Variants in PRKCA observed in about 807,000 individuals in gnomAD.
PRKCA encodes protein kinase C alpha type.
PRKCA carries 27 observed loss-of-function variants against 87.0 expected under a neutral mutation model. The ratio of observed to expected loss-of-function variants is 0.31; its 90% CI spans 0.23 to 0.43. The LOEUF is 0.43. Among genes scored for constraint, PRKCA ranks in the 20% least tolerant of loss-of-function variants. The probability of loss-of-function intolerance (pLI) is 1.00; values close to 1 mark genes in which losing one functional copy is unlikely to be tolerated. For missense variants in PRKCA, 518 were observed against 852.3 expected, an observed-to-expected ratio of 0.61 and a Z score of 4.88; for synonymous variants, 329 against 311.1, an observed-to-expected ratio of 1.06 and a Z score of -0.61.
In PRKCA at chr17:66,623,275, T is replaced by A. The variant is rs185869722; in HGVS notation, c.289-18080T>A. On this transcript the variant is annotated intron_variant, in intron 3 of 16. Transcript: ENST00000413366. Reference sequence around the variant, plus strand: ...TCCTTAATTACTGACCTCAGCCAGATTTTTTTTTGCCTGAACTTGATGTAG... The same window carrying A: ...TCCTTAATTACTGACCTCAGCCAGAATTTTTTTTGCCTGAACTTGATGTAG... Among the ~76,000 whole-genome samples the A allele has an allele frequency of 2.2e-4, 34 of 151,764 alleles. 1 individual carries two copies. In the East Asian group the frequency reaches 5.6e-3, roughly 25 times the overall value.
chr17:66,451,126 C>T (rs1308010310), intron 2 of PRKCA, among the ~76,000 whole-genome samples: 1 of 152,134 alleles, frequency 6.6e-6, no homozygotes, highest in Non-Finnish European at 1.5e-5. Context: ...CAAGTAATAT[C>T]TTAATTTAAA....
chr17:66,763,463 A>AT (rs747933102), intron 13 of PRKCA, among the ~76,000 whole-genome samples: 18 of 152,262 alleles, frequency 1.2e-4, no homozygotes, highest in Admixed American at 3.9e-4. Flanking sequence ...TTCTTTCCAA[A>AT]TGGTGCTGTT....
intron 3 of PRKCA, among the ~76,000 whole-genome samples, chr17:66,579,167 AACAG>A (rs1969339766): frequency 6.6e-6 from 1 of 152,144 alleles, no homozygotes; most frequent in Non-Finnish European, 1.5e-5. Context: ...CCCCCCATTG[AACAG>A]ACAGAGTAGT....
At chr17:66,614,156 C>G (rs1229479451) in intron 3 of PRKCA, among the ~76,000 whole-genome samples, 2 of 152,138 alleles carry the variant, frequency 1.3e-5, no homozygotes, top group Non-Finnish European at 1.5e-5. Flanking sequence ...ATCACTCTCT[C>G]CGATTCCAGC....
chr17:66,501,833 T>G (rs1916747572), intron 3 of PRKCA, among the ~76,000 whole-genome samples: 1 of 152,316 alleles, frequency 6.6e-6, no homozygotes, highest in South Asian at 2.1e-4. Context: ...CCGTGGTTTT[T>G]GGGGCAGTGG....
intron 2 of PRKCA, chr17:66,415,315 A>T (rs1295964776): frequency 6.6e-6 from 1 of 152,158 alleles, no homozygotes; most frequent in Non-Finnish European, 1.5e-5. Flanking sequence ...TCCCTCAGTG[A>T]ACAGCTTATA....
chr17:66,445,427 A>G (rs114411515), intron 2 of PRKCA, among the ~76,000 whole-genome samples: 24 of 152,360 alleles, frequency 1.6e-4, no homozygotes, highest in African/African-American at 5.3e-4. Flanking sequence ...ATTCAGAAGA[A>G]TTACCTCGGA....
At chr17:66,747,070 C>T (rs1409590004) in intron 13 of PRKCA, among the ~76,000 whole-genome samples, 1 of 152,032 alleles carries the variant, frequency 6.6e-6, no homozygotes, top group Non-Finnish European at 1.5e-5. Flanking sequence ...TAATTTTGTT[C>T]TAAGAACTTT....
intron 3 of PRKCA, chr17:66,638,486 A>G (rs1412896835): frequency 6.6e-6 from 1 of 152,314 alleles, no homozygotes; most frequent in Non-Finnish European, 1.5e-5. Context: ...GCTCATTTTT[A>G]TAAGTTCTGG....
At chr17:66,786,050 G>T (rs7211902) in intron 14 of PRKCA, among the ~76,000 whole-genome samples, 20 of 152,220 alleles carry the variant, frequency 1.3e-4, no homozygotes, top group South Asian at 1.0e-3. Flanking sequence ...GGATGGTCTC[G>T]ATCACCTGCC....
intron 2 of PRKCA, among the ~76,000 whole-genome samples, chr17:66,448,717 A>G (rs1468492171): frequency 6.6e-6 from 1 of 152,176 alleles, no homozygotes; most frequent in African/African-American, 2.4e-5. Flanking sequence ...CCAAACCAAA[A>G]AAAATTCAGC....
rs1188897937 is a variant in PRKCA at position 66,420,041 on chromosome 17, C to T, written c.206-76160C>T. 5.1e-5 allele frequency among the ~76,000 whole-genome samples: 7 copies of T among 135,944 alleles called. No homozygotes were observed. The East Asian group carries it at 1.3e-3, about 26-fold the overall frequency. 89.2% of individuals were successfully genotyped at this position (135,944 alleles called of 152,430 possible). A position where few individuals can be genotyped will look rare whatever the true frequency, so the allele number is the denominator to read the frequency against. ...TTTTTTTTTAAATATGAGACGGAGT[C>T]TTGCTCTGTCACCAGGCTGGAATAC... On this transcript the variant is annotated intron_variant, in intron 2 of 16. Coordinates refer to ENST00000413366, the MANE Select transcript of PRKCA (RefSeq NM_002737.3).
intron 8 of PRKCA, among the ~76,000 whole-genome samples, chr17:66,721,532 G>A (rs1029894687): frequency 7.9e-5 from 12 of 152,032 alleles, no homozygotes; most frequent in African/African-American, 9.7e-5. Context: ...CTGGGAAAGG[G>A]GCAGGCAATT....
At chr17:66,741,818 T>G in intron 12 of PRKCA, 97 bp downstream of exon 12, 1 of 1,285,972 alleles carries the variant, frequency 7.8e-7, no homozygotes, top group South Asian at 1.3e-5. Context: ...GACACAGAGT[T>G]GATAACTCCC....
intron 2 of PRKCA, among the ~76,000 whole-genome samples, chr17:66,424,069 G>C (rs80149203): frequency 2.0e-4 from 31 of 152,268 alleles, no homozygotes; most frequent in Non-Finnish European, 4.0e-4. Flanking sequence ...AGGCTCTGGA[G>C]GAGGACCATT....
At chr17:66,752,083 T>C (rs1383686460) in intron 13 of PRKCA, among the ~76,000 whole-genome samples, 1 of 152,206 alleles carries the variant, frequency 6.6e-6, no homozygotes, top group East Asian at 1.9e-4. Flanking sequence ...AAACTCTGGC[T>C]ACAGTACTGC....
intron 2 of PRKCA, among the ~76,000 whole-genome samples, chr17:66,309,907 C>G (rs1905009361): frequency 6.6e-6 from 1 of 152,130 alleles, no homozygotes; most frequent in Non-Finnish European, 1.5e-5. Flanking sequence ...TTGGTAGTTT[C>G]TGTCTTGCAC....
intron 2 of PRKCA, among the ~76,000 whole-genome samples, chr17:66,405,517 G>A (rs908255110): frequency 6.6e-6 from 1 of 151,970 alleles, no homozygotes; most frequent in East Asian, 1.9e-4. Flanking sequence ...TCTAGCATCC[G>A]TTTTCTGTTG....
At chr17:66,400,194 C>T (rs1387181332) in intron 2 of PRKCA, among the ~76,000 whole-genome samples, 4 of 152,186 alleles carry the variant, frequency 2.6e-5, no homozygotes, top group Non-Finnish European at 1.5e-5. Flanking sequence ...CTCTGTCGCC[C>T]AGGCTGGAGT....
Sources: allele counts gnomAD v4.1 joint callset (sites outside exome capture counted in the v4.1 genomes callset), GRCh38; gene constraint gnomAD v4.1.1; transcripts MANE v1.5; gene names NCBI Gene and HGNC (gene_info 2026-07-23, HGNC 2026-07-21).